The following FRK variants were observed in gnomAD, a reference collection of about 807,000 sequenced individuals.
FRK encodes tyrosine-protein kinase FRK.
FRK carries 51 observed loss-of-function variants against 56.4 expected under a neutral mutation model. The ratio of observed to expected loss-of-function variants is 0.90; its 90% CI spans 0.72 to 1.14. FRK has a LOEUF of 1.14. FRK is among the 50% of genes most tolerant of loss of function. FRK has a pLI of 0.00. For synonymous variants in FRK, 245 were observed against 217.9 expected, an observed-to-expected ratio of 1.12 and a Z score of -1.10; for missense variants, 570 against 601.4, an observed-to-expected ratio of 0.95 and a Z score of 0.55.
At chr6:116,007,994 T>C (rs1158990759) in intron 1 of FRK, among the ~76,000 whole-genome samples, 1 of 152,134 alleles carries the variant, frequency 6.6e-6, no homozygotes, top group East Asian at 1.9e-4. Context: ...AAACAAAATA[T>C]AAATATGTAA....
the FRK span, among the ~76,000 whole-genome samples, chr6:116,082,659 T>C: frequency 6.6e-6 from 1 of 151,932 alleles, no homozygotes; most frequent in Non-Finnish European, 1.5e-5. Context: ...AAACATAGAG[T>C]TTCTATTAAC....
At chr6:115,971,963 G>A (rs886130670) in intron 2 of FRK, among the ~76,000 whole-genome samples, 2 of 152,280 alleles carry the variant, frequency 1.3e-5, no homozygotes, top group Admixed American at 6.5e-5. Context: ...TTCCCACTCC[G>A]AGCCTGCTGG....
chr6:116,087,234 G>A, the FRK span, among the ~76,000 whole-genome samples: 2 of 152,308 alleles, frequency 1.3e-5, no homozygotes, highest in Admixed American at 1.3e-4. Context: ...CTACCATAGT[G>A]CCTGGCACGC....
At chr6:116,078,816 T>C in the FRK span, among the ~76,000 whole-genome samples, 2 of 152,226 alleles carry the variant, frequency 1.3e-5, no homozygotes, top group Non-Finnish European at 2.9e-5. Flanking sequence ...TTTTTTATTG[T>C]TTCACAACAG....
At chr6:115,958,768 A>AAAGAAAGAAAGG (rs1292819468) in intron 4 of FRK, among the ~76,000 whole-genome samples, 1 of 80,700 alleles carries the variant, frequency 1.2e-5, no homozygotes, top group African/African-American at 5.3e-5. Context: ...AGAAAGAAAG[A>AAAGAAAGAAAGG]GGGGGGGGAA....
At chr6:116,081,556 G>A in the FRK span, among the ~76,000 whole-genome samples, 1 of 152,114 alleles carries the variant, frequency 6.6e-6, no homozygotes, top group Non-Finnish European at 1.5e-5. Context: ...TACTCAGGAG[G>A]CTGAGGCAGG....
chr6:115,954,896 A>T (rs1415935253), intron 5 of FRK, among the ~76,000 whole-genome samples: 2 of 152,142 alleles, frequency 1.3e-5, no homozygotes, highest in African/African-American at 4.8e-5. Context: ...CCACCAGCCA[A>T]CCTATTTTGC....
intron 4 of FRK, among the ~76,000 whole-genome samples, chr6:115,958,708 A>AAAGAAAGAAAGAAGG (rs1773160259): frequency 3.2e-4 from 4 of 12,362 alleles, no homozygotes; most frequent in African/African-American, 1.3e-3. Flanking sequence ...AAGAAAGAAG[A>AAAGAAAGAAAGAAGG]AAGAAAGAAA....
intron 4 of FRK, among the ~76,000 whole-genome samples, chr6:115,957,964 T>C (rs186142849): frequency 6.6e-6 from 1 of 152,212 alleles, no homozygotes; most frequent in African/African-American, 2.4e-5. Context: ...TTGATATGCA[T>C]AGTCTTGGAA....
intron 1 of FRK, among the ~76,000 whole-genome samples, chr6:116,032,778 C>T (rs983115570): frequency 4.6e-5 from 7 of 151,824 alleles, no homozygotes; most frequent in African/African-American, 7.3e-5. Flanking sequence ...GTAATAGCAC[C>T]GCAGAATTGA....
the FRK span, among the ~76,000 whole-genome samples, chr6:116,074,876 G>A: frequency 6.6e-6 from 1 of 152,132 alleles, no homozygotes; most frequent in South Asian, 2.1e-4. Context: ...TCCCTCTGTT[G>A]TGCCATGCTG....
At chr6:116,088,022 C>T in the FRK span, among the ~76,000 whole-genome samples, 1 of 152,152 alleles carries the variant, frequency 6.6e-6, no homozygotes, top group African/African-American at 2.4e-5. Flanking sequence ...CAGGAGCCAG[C>T]GGGTAAACAC....
chr6:116,007,762 C>T (rs1044743410), intron 1 of FRK, among the ~76,000 whole-genome samples: 1 of 152,110 alleles, frequency 6.6e-6, no homozygotes, highest in African/African-American at 2.4e-5. Context: ...TATTAATACA[C>T]TATAATGTTT....
rs80176643 is a variant in FRK at position 115,995,522 on chromosome 6, T to C, written c.466+8355A>G. On this transcript the variant is annotated intron_variant, in intron 2 of 7. Coordinates refer to ENST00000606080, the MANE Select transcript of FRK (RefSeq NM_002031.3). Reference sequence around the variant, plus strand: ...TTGCTGAAAATATCAATACAAAAAATCTTTTTAACAAACCAAGGTAAGCAA... The same window carrying C: ...TTGCTGAAAATATCAATACAAAAAACCTTTTTAACAAACCAAGGTAAGCAA... Among the ~76,000 whole-genome samples, 755 of 151,970 alleles carry C rather than the reference T, an allele frequency of 5.0e-3. 4 individuals are homozygous for C. Among genetic ancestry groups the C allele is most frequent in the African/African-American group, 0.017 (703 of 41,464 alleles).
intron 1 of FRK, among the ~76,000 whole-genome samples, chr6:116,029,095 T>C (rs1020183960): frequency 1.3e-5 from 2 of 152,202 alleles, no homozygotes; most frequent in Middle Eastern, 3.4e-3. Flanking sequence ...ACTTTTCACC[T>C]TCTCTTTCCT....
intron 2 of FRK, among the ~76,000 whole-genome samples, chr6:115,971,986 C>T (rs959075033): frequency 2.6e-5 from 4 of 152,220 alleles, no homozygotes; most frequent in African/African-American, 9.6e-5. Flanking sequence ...GAAACTGAAG[C>T]TGACTCCTCT....
At chr6:116,042,216 G>A (rs1285533894) in intron 1 of FRK, among the ~76,000 whole-genome samples, 1 of 152,150 alleles carries the variant, frequency 6.6e-6, no homozygotes, top group Non-Finnish European at 1.5e-5. Flanking sequence ...TCTCTGGGCA[G>A]GGCATCTCTG....
At chr6:115,975,438 C>T (rs979622325) in intron 2 of FRK, among the ~76,000 whole-genome samples, 6 of 152,058 alleles carry the variant, frequency 3.9e-5, no homozygotes, top group Admixed American at 1.3e-4. Context: ...ATACAGAATA[C>T]GAACTGTTTT....
chr6:115,932,105 G>A lies in FRK; in HGVS notation c.*10309C>T, dbSNP rs1375218535. 1 of 152,166 alleles carries A rather than the reference G, an allele frequency of 6.6e-6. No homozygotes were observed. Among genetic ancestry groups the A allele is most frequent in the African/African-American group, 2.4e-5 (1 of 41,438 alleles). The allele number at this position is 152,166 out of a possible 1,614,324, so 9.4% of individuals were successfully genotyped here. ...TGTAATTTAATCTTATAACATCTCT[G>A]TAGATAGTGTCATCTGAATGTAGAT... On this transcript the variant is annotated 3_prime_UTR_variant, in exon 8 of 8. Coordinates refer to ENST00000606080, the MANE Select transcript of FRK (RefSeq NM_002031.3).
Sources: allele counts gnomAD v4.1 joint callset (sites outside exome capture counted in the v4.1 genomes callset), GRCh38; gene constraint gnomAD v4.1.1; transcripts MANE v1.5; gene names NCBI Gene and HGNC (gene_info 2026-07-23, HGNC 2026-07-21).